ELAVL2: variants seen among roughly 807,000 people sequenced by gnomAD.
ELAVL2 encodes the protein ELAV-like protein 2.
A neutral mutation model predicts 34.6 loss-of-function variants in ELAVL2; 4 were observed. The ratio of observed to expected loss-of-function variants is 0.12; its 90% confidence interval spans 0.06 to 0.26. The LOEUF is 0.26. Among genes scored for constraint, ELAVL2 ranks in the 10% least tolerant of loss-of-function variants. The pLI, the probability that ELAVL2 is intolerant of heterozygous loss-of-function variation, is 1.00. For missense variants in ELAVL2, 432 were observed against 442.8 expected (o/e 0.98, Z 0.22); for synonymous variants, 193 against 154.8 (o/e 1.25, Z -1.83).
chr9:23,769,206 A>G (rs866560776), intron 1 of ELAVL2, among the ~76,000 whole-genome samples: 6 of 145,582 alleles, frequency 4.1e-5, no homozygotes, highest in Middle Eastern at 6.9e-3. Context: ...ACAAAACACA[A>G]ACAAACAAAC....
At chr9:23,786,260 A>T (rs2059666346) in intron 1 of ELAVL2, among the ~76,000 whole-genome samples, 3 of 152,186 alleles carry the variant, frequency 2.0e-5, no homozygotes. Flanking sequence ...AATTATAACC[A>T]TAATACCTAA....
At chr9:23,781,518 C>CATT (rs2059060827) in intron 1 of ELAVL2, among the ~76,000 whole-genome samples, 1 of 135,812 alleles carries the variant, frequency 7.4e-6, no homozygotes, top group East Asian at 2.1e-4. Context: ...TTTTTCTTTC[C>CATT]TTTTTTTTTT....
At chr9:23,786,781 C>CAAAAAAAAAAAAAAAAA (rs57292061) in intron 1 of ELAVL2, among the ~76,000 whole-genome samples, 102 of 108,106 alleles carry the variant, frequency 9.4e-4, no homozygotes, top group Non-Finnish European at 1.4e-3. Context: ...ATTTTAGTGG[C>CAAAAAAAAAAAAAAAAA]AAAAAAAAAA....
intron 2 of ELAVL2, among the ~76,000 whole-genome samples, chr9:23,747,243 A>C (rs1042124929): frequency 3.9e-5 from 6 of 152,156 alleles, no homozygotes; most frequent in Non-Finnish European, 8.8e-5. Context: ...AATGTGGACA[A>C]AGGGATGATT....
rs141226047 is a variant in ELAVL2, at chr9:23,692,932, C to A, written c.753-48G>T. 606 of 1,562,744 alleles carry A rather than the reference C, an allele frequency of 3.9e-4. 4 individuals are homozygous for A. The African/African-American group carries it at 7.6e-3, about 20-fold the overall frequency. ...CACACATACACACAAAAAATAAAAA[C>A]AGAGGTTGGTTATAGCAATGAACGT... On this transcript the variant is annotated intron_variant, in intron 6 of 6. Coordinates refer to ENST00000397312, the MANE Select transcript of ELAVL2 (RefSeq NM_004432.5).
chr9:23,755,464 G>A (rs776413309), intron 2 of ELAVL2, among the ~76,000 whole-genome samples: 1 of 151,994 alleles, frequency 6.6e-6, no homozygotes, highest in African/African-American at 2.4e-5. Context: ...TTAAATGACT[G>A]CAAGACCTTT....
chr9:23,783,970 G>A (rs955373138), intron 1 of ELAVL2, among the ~76,000 whole-genome samples: 2 of 151,700 alleles, frequency 1.3e-5, no homozygotes, highest in African/African-American at 2.4e-5. Context: ...TGAGGCGCGT[G>A]GATCACGAGG....
chr9:23,785,947 A>C (rs1336587286), intron 1 of ELAVL2, among the ~76,000 whole-genome samples: 1 of 152,214 alleles, frequency 6.6e-6, no homozygotes, highest in Non-Finnish European at 1.5e-5. Context: ...CGGTACTTGA[A>C]GGTCACTATG....
At chr9:23,726,490 A>G (rs868811794) in intron 3 of ELAVL2, among the ~76,000 whole-genome samples, 12 of 152,120 alleles carry the variant, frequency 7.9e-5, no homozygotes, top group African/African-American at 2.9e-4. Flanking sequence ...GAACTTACCA[A>G]TAACAATAAA....
At chr9:23,849,735 G>A in the ELAVL2 span, 10 of 152,160 alleles carry the variant, frequency 6.6e-5, no homozygotes, top group Admixed American at 5.9e-4. Flanking sequence ...GACCATAGTA[G>A]AGAGAAAAAC....
intron 1 of ELAVL2, among the ~76,000 whole-genome samples, chr9:23,823,300 G>A (rs1243353473): frequency 6.6e-6 from 1 of 152,148 alleles, no homozygotes; most frequent in African/African-American, 2.4e-5. Context: ...CAAAACGTTA[G>A]GCGAAAATGG....
rs1025083335 is a variant in ELAVL2, at chr9:23,699,835, T to A, written c.713+1544A>T. ...AGGTTTTTTTTTTTTTTTTTTTTTT[T>A]TTTTTTTTTTTTTTTTTAATACCAA... On this transcript the variant is annotated intron_variant, in intron 5 of 6. Transcript: ENST00000397312. Among the ~76,000 whole-genome samples the A allele has an allele frequency of 8.5e-4, 73 of 86,228 alleles. 1 individual carries two copies. The highest frequency in any genetic ancestry group is 3.9e-3 in the African/African-American group (72 of 18,510). 56.6% of individuals were successfully genotyped at this position (86,228 alleles called of 152,430 possible). A position where few individuals can be genotyped will look rare whatever the true frequency, so the allele number is the denominator to read the frequency against.
chr9:23,762,950 G>A (rs2055377964), intron 1 of ELAVL2, among the ~76,000 whole-genome samples: 1 of 152,002 alleles, frequency 6.6e-6, no homozygotes, highest in Non-Finnish European at 1.5e-5. Context: ...GAATCTAATA[G>A]GACACTCCTG....
intron 5 of ELAVL2, among the ~76,000 whole-genome samples, chr9:23,694,731 C>CCA (rs1238878697): frequency 3.9e-5 from 6 of 152,184 alleles, no homozygotes; most frequent in African/African-American, 1.4e-4. Flanking sequence ...ATATAGCCTC[C>CCA]CACATCCCTG....
the ELAVL2 span, among the ~76,000 whole-genome samples, chr9:23,848,485 A>G: frequency 2.0e-5 from 3 of 152,214 alleles, no homozygotes; most frequent in African/African-American, 7.2e-5. Flanking sequence ...CTAGACTAAA[A>G]TCAATATTGA....
the ELAVL2 span, among the ~76,000 whole-genome samples, chr9:23,842,506 T>G: frequency 6.6e-6 from 1 of 152,128 alleles, no homozygotes; most frequent in Non-Finnish European, 1.5e-5. Context: ...GAAGCACCCT[T>G]GATACTGGCC....
intron 3 of ELAVL2, among the ~76,000 whole-genome samples, chr9:23,724,708 T>C (rs1182759100): frequency 6.6e-6 from 1 of 152,168 alleles, no homozygotes; most frequent in Non-Finnish European, 1.5e-5. Context: ...TAATCAGATG[T>C]AATATACTGT....
chr9:23,704,885 G>C, intron 4 of ELAVL2, 33 bp downstream of exon 4: 1 of 1,611,840 alleles, frequency 6.2e-7, no homozygotes. Context: ...GTCAGAGACA[G>C]GGAAAGACTG....
At chr9:23,747,951 C>A (rs1163267958) in intron 2 of ELAVL2, among the ~76,000 whole-genome samples, 1 of 152,044 alleles carries the variant, frequency 6.6e-6, no homozygotes, top group Non-Finnish European at 1.5e-5. Context: ...TACTCAGTAA[C>A]AGAATCTGAA....
Sources: gnomAD v4.1 joint callset for allele counts (sites outside exome capture counted in the v4.1 genomes callset) on GRCh38, gnomAD v4.1.1 for gene constraint, MANE v1.5 for transcripts, NCBI Gene and HGNC (gene_info 2026-07-23, HGNC 2026-07-21) for gene names.